Variants in NDC1 observed in about 807,000 individuals in gnomAD.
NDC1 encodes the protein nucleoporin NDC1.
Under a neutral mutation model 89.8 loss-of-function variants are expected in NDC1, and 24 were observed. The ratio of observed to expected loss-of-function variants is 0.27; its 90% CI spans 0.19 to 0.38. The LOEUF is 0.38. NDC1 is among the 10% of genes least tolerant of loss of function. The pLI, the probability that NDC1 is intolerant of heterozygous loss-of-function variation, is 1.00. For missense variants in NDC1, 728 were observed against 797.6 expected (o/e 0.91, Z 1.05); for synonymous variants, 296 against 284.8 (o/e 1.04, Z -0.39).
chr1:53,800,655 T>C (rs760689404), intron 11 of NDC1, 38 bp downstream of exon 11: 7 of 1,605,764 alleles, frequency 4.4e-6, no homozygotes, highest in African/African-American at 1.3e-5. Context: ...GGAAATAAAA[T>C]GTAAATGTTT....
intron 17 of NDC1, 108 bp from the exon 18 acceptor site, chr1:53,768,141 A>G: frequency 3.2e-6 from 2 of 615,394 alleles, no homozygotes; most frequent in Non-Finnish European, 5.1e-6. Context: ...AAATGAATAG[A>G]AATCTTCACT....
Position 53,833,288 on chromosome 1 carries a change from T to G in NDC1, c.179-697A>C, listed in dbSNP as rs539203304. The stretch of plus-strand genomic sequence containing the variant: ...CAATTCTCCTGCCTCAGCCTTCCAG[T>G]AGCTGGGATTACAGATGCCCGCCAT... On this transcript the variant is annotated intron_variant, in intron 2 of 17. Transcript: ENST00000371429. Among the ~76,000 whole-genome samples the G allele has an allele frequency of 1.1e-3, 166 of 152,178 alleles. 2 individuals are homozygous for G. The highest frequency in any genetic ancestry group is 3.4e-3 in the Middle Eastern group (1 of 294).
intron 16 of NDC1, among the ~76,000 whole-genome samples, chr1:53,777,325 T>C (rs981584067): frequency 2.6e-5 from 4 of 152,162 alleles, no homozygotes; most frequent in Admixed American, 2.6e-4. Flanking sequence ...TGTCCAACCT[T>C]GTTGAATTTT....
intron 6 of NDC1, among the ~76,000 whole-genome samples, chr1:53,816,251 A>C (rs1648470679): frequency 6.6e-6 from 1 of 152,214 alleles, no homozygotes; most frequent in South Asian, 2.1e-4. Flanking sequence ...GAAAATACGC[A>C]CATAGACCAA....
At position 53,825,252 on chromosome 1, in the gene NDC1, G is replaced by A. The variant is rs1333782124; in HGVS notation, c.594+546C>T. ...GCACTTTGGGAGGCTGAGGTGGGGG[G>A]ATTACTTGAGGTCAGGAGTTCAAGA... On this transcript the variant is annotated intron_variant, in intron 5 of 17. Coordinates refer to ENST00000371429, the MANE Select transcript of NDC1 (RefSeq NM_018087.5). 2.6e-5 allele frequency among the ~76,000 whole-genome samples: 4 copies of A among 151,930 alleles called. No individual in the cohort carries two copies. In the South Asian group the frequency reaches 6.2e-4, roughly 24 times the overall value.
At chr1:53,773,497 A>G (rs1199837814) in intron 16 of NDC1, among the ~76,000 whole-genome samples, 1 of 152,076 alleles carries the variant, frequency 6.6e-6, no homozygotes, top group Non-Finnish European at 1.5e-5. Context: ...TTTAGTCTCC[A>G]ACTTCTGCAT....
chr1:53,826,464 C>T (rs1648867550), intron 4 of NDC1, among the ~76,000 whole-genome samples: 1 of 152,158 alleles, frequency 6.6e-6, no homozygotes. Context: ...GACAAGACTG[C>T]AGCTCCCAGG....
intron 17 of NDC1, among the ~76,000 whole-genome samples, chr1:53,769,465 C>T (rs1290199847): frequency 6.6e-6 from 1 of 152,204 alleles, no homozygotes; most frequent in African/African-American, 2.4e-5. Flanking sequence ...TAATTTACTT[C>T]ACTAAACATT....
rs74567244 is a variant in NDC1, at chr1:53,795,749, G to A, written c.1584+940C>T. On this transcript the variant is annotated intron_variant, in intron 13 of 17. Transcript: ENST00000371429. ...CTAGATTACTTAACACCTTAACACC[G>A]TCTCTGGGCTTACATGCCTACCTTG... Among the ~76,000 whole-genome samples the A allele has an allele frequency of 4.1e-4, 63 of 152,162 alleles. 1 individual carries two copies. In the East Asian group the frequency reaches 7.1e-3, roughly 17 times the overall value.
intron 16 of NDC1, among the ~76,000 whole-genome samples, chr1:53,785,194 G>A (rs185828032): frequency 2.3e-4 from 35 of 152,204 alleles, no homozygotes; most frequent in Non-Finnish European, 3.8e-4. Flanking sequence ...AAATAATAAT[G>A]ATATCACATT....
At chr1:53,770,015 C>A (rs1432975222) in intron 17 of NDC1, among the ~76,000 whole-genome samples, 1 of 152,152 alleles carries the variant, frequency 6.6e-6, no homozygotes, top group African/African-American at 2.4e-5. Flanking sequence ...TGCAAGCAGA[C>A]AGAAATCCAG....
At chr1:53,788,325 G>C (rs1004770750) in intron 15 of NDC1, among the ~76,000 whole-genome samples, 1 of 152,032 alleles carries the variant, frequency 6.6e-6, no homozygotes, top group African/African-American at 2.4e-5. Flanking sequence ...ACTAAGTGTG[G>C]TGGCTCACAC....
In NDC1 at chr1:53,787,211, C is replaced by T; in HGVS notation, c.1747G>A (p.Val583Ile). The T allele has an allele frequency of 6.2e-7, 1 of 1,610,470 alleles. No individual in the cohort carries two copies. Among genetic ancestry groups the T allele is most frequent in the Non-Finnish European group, 8.5e-7 (1 of 1,178,742 alleles). The change falls in exon 16 of 18, where the codon GTT becomes ATT. Residue 583 changes from valine to isoleucine, a missense_variant. Physicochemically the swap from Val to Ile is conservative, Grantham distance 29. Coordinates refer to ENST00000371429, the MANE Select transcript of NDC1 (RefSeq NM_018087.5). ...ATAGCTGGTAGTGTCGTCTGGACAA[C>T]TCCAAATCTATCCTCTGTAAATGAT... ...AASFTEDRFG[V>I]VQTTLPAILN... is the part of the protein sequence containing the mutation.
intron 14 of NDC1, 82 bp downstream of exon 14, chr1:53,793,129 TAAGCTATAAAATATTTAC>T: frequency 9.5e-7 from 1 of 1,055,242 alleles, no homozygotes; most frequent in Non-Finnish European, 1.5e-6. Flanking sequence ...TTGCTAGGAT[TAAGCTATAAAATATTTAC>T]AAGTCAGATC....
chr1:53,775,249 T>C (rs1173334162), intron 16 of NDC1, among the ~76,000 whole-genome samples: 1 of 152,046 alleles, frequency 6.6e-6, no homozygotes, highest in Non-Finnish European at 1.5e-5. Context: ...TTGCAAAACA[T>C]TTTCTTTTTC....
intron 6 of NDC1, among the ~76,000 whole-genome samples, chr1:53,813,563 G>A (rs751913366): frequency 5.3e-5 from 8 of 152,104 alleles, no homozygotes; most frequent in Non-Finnish European, 1.0e-4. Context: ...AAAAGGTCTC[G>A]TCCAACAGGA....
At chr1:53,838,068 C>T (rs1649297631) in intron 1 of NDC1, 137 bp downstream of exon 1, 1 of 762,870 alleles carries the variant, frequency 1.3e-6, no homozygotes, top group African/African-American at 1.8e-5. Context: ...ATCAGTCCCC[C>T]AAGTGGTGCC....
rs747898308 is a variant in NDC1, at chr1:53,793,244, C to T, written c.1620G>A (p.Met540Ile). 6.2e-7 allele frequency: 1 copy of T among 1,611,436 alleles called. No individual in the cohort carries two copies. The highest frequency in any genetic ancestry group is 1.3e-5 in the African/African-American group (1 of 75,010). Residue 540 changes from methionine to isoleucine, a missense_variant, in exon 14 of 18, where the codon ATG (methionine) becomes ATA (isoleucine). By Grantham distance (10) the Met-to-Ile change is conservative (BLOSUM62 1). Coordinates refer to ENST00000371429, the MANE Select transcript of NDC1 (RefSeq NM_018087.5). ...KNFLSKRVLI[M>I]YFFSKHPEAS... Reference sequence around the variant, plus strand: ...ATATTCTTACCTTACTGAAAAAATACATTATCAGCACCCGTTTTGACAAGA... The same window carrying T: ...ATATTCTTACCTTACTGAAAAAATATATTATCAGCACCCGTTTTGACAAGA...
chr1:53,806,276 C>A, intron 9 of NDC1, 149 bp downstream of exon 9: 1 of 471,992 alleles, frequency 2.1e-6, no homozygotes. Flanking sequence ...AAAAAATAAA[C>A]AGCATTAGCA....
Sources: allele counts gnomAD v4.1 joint callset (sites outside exome capture counted in the v4.1 genomes callset), GRCh38; gene constraint gnomAD v4.1.1; transcripts MANE v1.5; gene names NCBI Gene and HGNC (gene_info 2026-07-23, HGNC 2026-07-21).